Variants in PPP5C observed in about 807,000 individuals in gnomAD.
The protein encoded by PPP5C is serine/threonine-protein phosphatase 5.
Under a neutral mutation model 66.7 loss-of-function variants are expected in PPP5C, and 21 were observed. The observed-to-expected ratio is 0.31, with a 90% CI of 0.22 to 0.45. PPP5C has a LOEUF of 0.45. Among genes scored for constraint, PPP5C ranks in the 20% least tolerant of loss-of-function variants. PPP5C has a pLI of 1.00. For synonymous variants in PPP5C, 246 were observed against 257.4 expected, an observed-to-expected ratio of 0.96 and a Z score of 0.43; for missense variants, 464 against 675.9, an observed-to-expected ratio of 0.69 and a Z score of 3.48.
chr19:46,365,235 G>A (rs576873012), intron 2 of PPP5C, among the ~76,000 whole-genome samples: 9 of 152,122 alleles, frequency 5.9e-5, no homozygotes, highest in African/African-American at 2.2e-4. Context: ...TGCCCACCTC[G>A]GCCTCCCAAA....
At chr19:46,369,579 C>T (rs1972548828) in intron 2 of PPP5C, among the ~76,000 whole-genome samples, 1 of 146,552 alleles carries the variant, frequency 6.8e-6, no homozygotes, top group South Asian at 2.2e-4. Flanking sequence ...TTGCAGTGAG[C>T]GGACATTGCG....
intron 7 of PPP5C, 165 bp downstream of exon 7, chr19:46,385,074 A>G (rs1214999753): frequency 5.4e-5 from 32 of 594,662 alleles, no homozygotes; most frequent in Non-Finnish European, 9.6e-5. Flanking sequence ...AAAGCATCAC[A>G]CCAAAGGACG....
intron 2 of PPP5C, among the ~76,000 whole-genome samples, chr19:46,367,166 G>T (rs1007092750): frequency 2.6e-5 from 4 of 152,194 alleles, no homozygotes; most frequent in Non-Finnish European, 5.9e-5. Context: ...CTCCCATCCG[G>T]CCCTTGGGAA....
chr19:46,363,014 C>G (rs1340023699), intron 2 of PPP5C, among the ~76,000 whole-genome samples: 1 of 150,984 alleles, frequency 6.6e-6, no homozygotes, highest in Non-Finnish European at 1.5e-5. Context: ...GTCTCGATCT[C>G]CTGACCTCGT....
chr19:46,387,201 T>C lies in PPP5C; in HGVS notation c.1013T>C (p.Leu338Pro). 6.2e-7 allele frequency: 1 copy of C among 1,614,186 alleles called. No homozygotes were observed. The highest frequency in any genetic ancestry group is 8.5e-7 in the Non-Finnish European group (1 of 1,180,016). ...CTCTTTAGCGAGGTGTTCGAGTGGCTCCCGTTGGCCCAGTGCATCAACGGC... is the reference window on the plus strand; with the variant it reads ...CTCTTTAGCGAGGTGTTCGAGTGGCCCCCGTTGGCCCAGTGCATCAACGGC... ...YELFSEVFEW[L>P]PLAQCINGKV... The change falls in exon 8 of 13, where the codon CTC becomes CCC. Residue 338 changes from leucine (L) to proline (P), a missense_variant. Coordinates refer to ENST00000012443, the MANE Select transcript of PPP5C (RefSeq NM_006247.4).
At chr19:46,374,680 G>T (rs986728436) in intron 2 of PPP5C, among the ~76,000 whole-genome samples, 1 of 152,296 alleles carries the variant, frequency 6.6e-6, no homozygotes, top group East Asian at 1.9e-4. Flanking sequence ...GGTCATCAGC[G>T]CAGCAGCCCC....
chr19:46,376,761 G>C lies in PPP5C; in HGVS notation c.633+187G>C. ...ATCTCATCTCGTCCCACAGCAGTTT[G>C]GGGAGGTGGCAGGCAGTGCCATTTG... On this transcript the variant is annotated intron_variant, in intron 4 of 12. Transcript: ENST00000012443. The surrounding 1 kb of genome is among the most constrained non-coding windows in gnomAD (Gnocchi z 5.1). The C allele has an allele frequency of 1.2e-6, 1 of 803,760 alleles. No homozygotes were observed. The highest frequency in any genetic ancestry group is 3.1e-5 in the Admixed American group (1 of 32,068). The allele number at this position is 803,760 out of a possible 1,614,324, so 49.8% of individuals were successfully genotyped here.
rs1480202371 is a variant in PPP5C, at chr19:46,390,694, G to T, written c.*348G>T. 1.7e-6 allele frequency: 2 copies of T among 1,200,416 alleles called. No homozygotes were observed. Among genetic ancestry groups the T allele is most frequent in the Non-Finnish European group, 2.1e-6 (2 of 952,884 alleles). 74.4% of individuals were successfully genotyped at this position (1,200,416 alleles called of 1,614,324 possible). ...TCCCCCACTCAAGCAATAGGGCCCCGCCATAGGAAGACCCCCAGAGAGAGG... is the reference window on the plus strand; with the variant it reads ...TCCCCCACTCAAGCAATAGGGCCCCTCCATAGGAAGACCCCCAGAGAGAGG... On this transcript the variant is annotated 3_prime_UTR_variant, in exon 13 of 13. Coordinates refer to ENST00000012443, the MANE Select transcript of PPP5C (RefSeq NM_006247.4).
chr19:46,355,755 G>C (rs768338057), intron 2 of PPP5C, among the ~76,000 whole-genome samples: 2 of 152,150 alleles, frequency 1.3e-5, no homozygotes, highest in African/African-American at 4.8e-5. Context: ...TAAAGGTCAC[G>C]AGCTGCAGGG....
chr19:46,390,710 C>CAG lies in PPP5C; in HGVS notation c.*371_*372dup. On this transcript the variant is annotated 3_prime_UTR_variant, in exon 13 of 13. Transcript: ENST00000012443. ...TAGGGCCCCGCCATAGGAAGACCCC[C>CAG]AGAGAGAGGGTCAGCAGGGGGGCCC... 7.7e-6 allele frequency: 9 copies of CAG among 1,176,314 alleles called. No homozygotes were observed. Among genetic ancestry groups the CAG allele is most frequent in the Non-Finnish European group, 9.6e-6 (9 of 939,052 alleles). The allele number at this position is 1,176,314 out of a possible 1,614,324, so 72.9% of individuals were successfully genotyped here. A position where few individuals can be genotyped will look rare whatever the true frequency, so the allele number is the denominator to read the frequency against.
Position 46,347,130 on chromosome 19 carries a change from G to C in PPP5C, c.34G>C (p.Ala12Pro). 2 of 1,605,218 alleles carry C rather than the reference G, an allele frequency of 1.2e-6. No individual in the cohort carries two copies. Among genetic ancestry groups the C allele is most frequent in the Admixed American group, 1.7e-5 (1 of 58,804 alleles). The change falls in exon 1 of 13, where the codon GCT (alanine) becomes CCT (proline). Residue 12 changes from alanine to proline, a missense_variant. Physicochemically the swap from Ala to Pro is conservative, Grantham distance 27. Transcript: ENST00000012443. ...GGCGGAGGGCGAGAGGACTGAGTGT[G>C]CTGAGCCCCCCCGGGACGAACCCCC... ...AMAEGERTEC[A>P]EPPRDEPPAD...
At chr19:46,381,482 C>T (rs1972789927) in intron 4 of PPP5C, 2 of 152,224 alleles carry the variant, frequency 1.3e-5, no homozygotes, top group Non-Finnish European at 2.9e-5. Flanking sequence ...CACCATGGCT[C>T]AGGCCTGTAA....
At chr19:46,387,659 C>A in intron 9 of PPP5C, 2 of 1,500,096 alleles carry the variant, frequency 1.3e-6, no homozygotes, top group South Asian at 2.5e-5. Context: ...GACCATGGTG[C>A]GGGGTGAAGG....
chr19:46,380,749 ACCT>A (rs1230590585), intron 4 of PPP5C, among the ~76,000 whole-genome samples: 2 of 151,724 alleles, frequency 1.3e-5, no homozygotes. Flanking sequence ...TTGCCTTTTG[ACCT>A]CCATTGTTTC....
Position 46,390,556 on chromosome 19 carries a change from A to C in PPP5C, c.*210A>C. The C allele has an allele frequency of 7.3e-7, 1 of 1,362,478 alleles. No homozygotes were observed. Among genetic ancestry groups the C allele is most frequent in the Non-Finnish European group, 9.5e-7 (1 of 1,050,862 alleles). The allele number at this position is 1,362,478 out of a possible 1,614,324, so 84.4% of individuals were successfully genotyped here. A position where few individuals can be genotyped will look rare whatever the true frequency, so the allele number is the denominator to read the frequency against. On this transcript the variant is annotated 3_prime_UTR_variant, in exon 13 of 13. Coordinates refer to ENST00000012443, the MANE Select transcript of PPP5C (RefSeq NM_006247.4). Reference sequence around the variant, plus strand: ...GGGTCTGCTCCCTGGACAGAGAGGAAGGAGGTGGAGCAGCTGGGGCTGGGG... The same window carrying C: ...GGGTCTGCTCCCTGGACAGAGAGGACGGAGGTGGAGCAGCTGGGGCTGGGG...
intron 4 of PPP5C, chr19:46,382,614 C>G (rs913447874): frequency 3.1e-5 from 5 of 161,316 alleles, no homozygotes; most frequent in African/African-American, 1.2e-4. Flanking sequence ...ATGTGTCTGT[C>G]TACTTATTTA....
chr19:46,367,253 T>C (rs562109694), intron 2 of PPP5C, among the ~76,000 whole-genome samples: 2 of 152,362 alleles, frequency 1.3e-5, no homozygotes, highest in South Asian at 4.1e-4. Flanking sequence ...TGCTGGTAGA[T>C]AGAGCCTTGG....
chr19:46,373,194 G>A (rs2147386079), intron 2 of PPP5C, among the ~76,000 whole-genome samples: 1 of 152,374 alleles, frequency 6.6e-6, no homozygotes, highest in South Asian at 2.1e-4. Context: ...AGGGCATGCA[G>A]TGTGCCCCAG....
At chr19:46,382,716 A>G in intron 4 of PPP5C, 1 of 881,634 alleles carries the variant, frequency 1.1e-6, no homozygotes, top group Non-Finnish European at 1.4e-6. Context: ...CCCAAAAACA[A>G]AGACGTCCTC....
Sources: gnomAD v4.1 joint callset for allele counts (sites outside exome capture counted in the v4.1 genomes callset) on GRCh38, gnomAD v4.1.1 for gene constraint, Gnocchi (gnomAD v3.1) non-coding constraint, MANE v1.5 for transcripts, NCBI Gene and HGNC (gene_info 2026-07-23, HGNC 2026-07-21) for gene names.